UGT1A9: variants seen among roughly 807,000 people sequenced by gnomAD.
UGT1A9 encodes the protein UDP glucuronosyltransferase family 1 member A9.
Under a neutral mutation model 45.0 loss-of-function variants are expected in UGT1A9, and 35 were observed. The observed-to-expected ratio is 0.78, with a 90% CI of 0.59 to 1.03. The LOEUF (loss-of-function observed/expected upper bound fraction) is 1.03, where lower values mean the gene tolerates loss of function less well. UGT1A9 is among the 50% of genes least tolerant of loss of function. The probability of loss-of-function intolerance (pLI) is 0.00; values close to 1 mark genes in which losing one functional copy is unlikely to be tolerated. For missense variants in UGT1A9, 687 were observed against 666.6 expected, an observed-to-expected ratio of 1.03 and a Z score of -0.34; for synonymous variants, 278 against 250.6, an observed-to-expected ratio of 1.11 and a Z score of -1.03.
At chr2:233,684,663 G>A (rs1026440858) in intron 1 of UGT1A9, among the ~76,000 whole-genome samples, 19 of 151,932 alleles carry the variant, frequency 1.3e-4, no homozygotes, top group Non-Finnish European at 2.2e-4. Flanking sequence ...TGCCTTTAAG[G>A]AATATACATA....
intron 1 of UGT1A9, among the ~76,000 whole-genome samples, chr2:233,717,364 C>CA (rs1417907473): frequency 6.6e-6 from 1 of 152,218 alleles, no homozygotes; most frequent in Admixed American, 6.5e-5. Flanking sequence ...GGGGAGTTCT[C>CA]AAGCCCTTAC....
chr2:233,677,964 A>G (rs897536316), intron 1 of UGT1A9, among the ~76,000 whole-genome samples: 1 of 152,240 alleles, frequency 6.6e-6, no homozygotes, highest in African/African-American at 2.4e-5. Flanking sequence ...TGTGGAACAC[A>G]TACTCCATGG....
At position 233,682,202 on chromosome 2, in the gene UGT1A9, GA is replaced by G. The variant is rs755165543; in HGVS notation, c.855+9414del. 37 of 1,614,244 alleles carry G rather than the reference GA, an allele frequency of 2.3e-5. No individual in the cohort carries two copies. In the African/African-American group the frequency reaches 4.9e-4, roughly 22 times the overall value. On this transcript the variant is annotated intron_variant, in intron 1 of 4. Transcript: ENST00000354728. The stretch of plus-strand genomic sequence containing the variant: ...ATACACTCTGGAGGATCAGGACCGG[GA>G]GTTCATGGTTTTTGCCGATGCTCGC...
At chr2:233,716,705 A>T (rs576766862) in intron 1 of UGT1A9, among the ~76,000 whole-genome samples, 1 of 152,342 alleles carries the variant, frequency 6.6e-6, no homozygotes, top group East Asian at 1.9e-4. Flanking sequence ...TCTTAAAAAC[A>T]CTAAAGAGTT....
chr2:233,762,466 T>C (rs377017824), intron 1 of UGT1A9, among the ~76,000 whole-genome samples: 5 of 152,354 alleles, frequency 3.3e-5, no homozygotes, highest in African/African-American at 9.6e-5. Context: ...GATAATGTCA[T>C]GGATATCACT....
In UGT1A9 at chr2:233,747,894, T is replaced by C. The variant is rs576515200; in HGVS notation, c.856-19140T>C. 115 of 1,613,584 alleles carry C rather than the reference T, an allele frequency of 7.1e-5. 5 individuals are homozygous for C. In the South Asian group the frequency reaches 1.2e-3, roughly 17 times the overall value. On this transcript the variant is annotated intron_variant, in intron 1 of 4. Coordinates refer to ENST00000354728, the MANE Select transcript of UGT1A9 (RefSeq NM_021027.3). ...CCTGTCCTACCTTTGCCATGCTCTTTCTGCTCCTTATGCAAGCCTTGCCTC... is the reference window on the plus strand; with the variant it reads ...CCTGTCCTACCTTTGCCATGCTCTTCCTGCTCCTTATGCAAGCCTTGCCTC...
At chr2:233,686,166 A>G (rs1422403652) in intron 1 of UGT1A9, among the ~76,000 whole-genome samples, 1 of 152,178 alleles carries the variant, frequency 6.6e-6, no homozygotes, top group Non-Finnish European at 1.5e-5. Flanking sequence ...AAAGACCTAA[A>G]TAGAAAATCT....
chr2:233,760,577 A>G (rs1222761790), intron 1 of UGT1A9: 2 of 1,614,128 alleles, frequency 1.2e-6, no homozygotes, highest in Non-Finnish European at 1.7e-6. Context: ...AGTCTCGGGC[A>G]TAATGTTTTT....
In UGT1A9 at chr2:233,685,809, C is replaced by T. The variant is rs756161110; in HGVS notation, c.855+13020C>T. Among the ~76,000 whole-genome samples, 31 of 152,214 alleles carry T rather than the reference C, an allele frequency of 2.0e-4. No homozygotes were observed. In the East Asian group the frequency reaches 3.3e-3, roughly 16 times the overall value. On this transcript the variant is annotated intron_variant, in intron 1 of 4. Transcript: ENST00000354728. Reference sequence around the variant, plus strand: ...AAAATCTTGGCATGTTGTCTCATCACGAAATACTTCACTAAATATAAAAAA... The same window carrying T: ...AAAATCTTGGCATGTTGTCTCATCATGAAATACTTCACTAAATATAAAAAA...
At chr2:233,691,200 C>T (rs902626120) in intron 1 of UGT1A9, 11 of 985,544 alleles carry the variant, frequency 1.1e-5, no homozygotes, top group Non-Finnish European at 1.3e-5. Flanking sequence ...GACCTGAGCT[C>T]TGTTCCCTTT....
At chr2:233,681,766 G>T (rs1013494150) in intron 1 of UGT1A9, 1 of 896,980 alleles carries the variant, frequency 1.1e-6, no homozygotes, top group Non-Finnish European at 1.3e-6. Flanking sequence ...CTCAGCAAAG[G>T]CTACTCATGT....
At chr2:233,700,043 A>T (rs2075539170) in intron 1 of UGT1A9, among the ~76,000 whole-genome samples, 1 of 152,220 alleles carries the variant, frequency 6.6e-6, no homozygotes, top group South Asian at 2.1e-4. Context: ...ATCTAAATCA[A>T]TTCCAAGTGA....
intron 1 of UGT1A9, chr2:233,718,959 G>A: frequency 9.3e-6 from 15 of 1,614,212 alleles, no homozygotes; most frequent in Non-Finnish European, 1.3e-5. Context: ...CATGCGGGAG[G>A]CCTTGCGGGA....
chr2:233,747,244 T>C lies in UGT1A9; in HGVS notation c.856-19790T>C, dbSNP rs911449982. The stretch of plus-strand genomic sequence containing the variant: ...CACAGGACCCCAGGTTCCCCTGCTG[T>C]GGCTGGCCACAGGAGTGCTACTCCT... On this transcript the variant is annotated intron_variant, in intron 1 of 4. Coordinates refer to ENST00000354728, the MANE Select transcript of UGT1A9 (RefSeq NM_021027.3). 6 of 1,602,806 alleles carry C rather than the reference T, an allele frequency of 3.7e-6. No homozygotes were observed. The African/African-American group carries it at 5.4e-5, about 14-fold the overall frequency.
At chr2:233,741,745 T>C (rs1691762813) in intron 1 of UGT1A9, 2 of 151,906 alleles carry the variant, frequency 1.3e-5, no homozygotes, top group African/African-American at 4.9e-5. Context: ...TCACACTCTT[T>C]GTTGGTTAAT....
At chr2:233,763,063 T>C (rs1220667382) in intron 1 of UGT1A9, among the ~76,000 whole-genome samples, 1 of 152,230 alleles carries the variant, frequency 6.6e-6, no homozygotes, top group Admixed American at 6.5e-5. Flanking sequence ...TTTAGATAAT[T>C]TCCTTCTTTG....
intron 1 of UGT1A9, among the ~76,000 whole-genome samples, chr2:233,673,747 A>G (rs572226179): frequency 4.6e-5 from 7 of 152,300 alleles, no homozygotes; most frequent in Admixed American, 2.0e-4. Context: ...CATGTAACTG[A>G]CTATGGGTAA....
chr2:233,739,889 C>G (rs1358734897), intron 1 of UGT1A9, among the ~76,000 whole-genome samples: 1 of 151,866 alleles, frequency 6.6e-6, no homozygotes, highest in African/African-American at 2.4e-5. Context: ...GTGTTTCCAC[C>G]CAAATCTCAT....
intron 4 of UGT1A9, 105 bp downstream of exon 4, chr2:233,768,544 TAA>T: frequency 7.0e-7 from 1 of 1,425,890 alleles, no homozygotes; most frequent in Non-Finnish European, 9.3e-7. Flanking sequence ...GTTTCAAATA[TAA>T]AAACAAATAC....
Sources: allele counts gnomAD v4.1 joint callset (sites outside exome capture counted in the v4.1 genomes callset), GRCh38; gene constraint gnomAD v4.1.1; transcripts MANE v1.5; gene names NCBI Gene and HGNC (gene_info 2026-07-23, HGNC 2026-07-21).